Variants in PTPRD observed in about 807,000 individuals in gnomAD.
The protein encoded by PTPRD is receptor-type tyrosine-protein phosphatase delta.
A neutral mutation model predicts 214.5 loss-of-function variants in PTPRD; 34 were observed. The observed-to-expected ratio is 0.16, with a 90% confidence interval of 0.12 to 0.21. The LOEUF is 0.21. Ranked by LOEUF, PTPRD falls within the 10% of genes least tolerant of loss-of-function variation. The probability of loss-of-function intolerance (pLI) is 1.00; values close to 1 mark genes in which losing one functional copy is unlikely to be tolerated. For missense variants in PTPRD, 2,545 were observed against 2,398.7 expected, an observed-to-expected ratio of 1.06 and a Z score of -1.27; for synonymous variants, 1,128 against 845.7, an observed-to-expected ratio of 1.33 and a Z score of -5.79.
At chr9:9,734,201 T>A (rs945338521) in intron 7 of PTPRD, among the ~76,000 whole-genome samples, 2 of 152,102 alleles carry the variant, frequency 1.3e-5, no homozygotes, top group Admixed American at 6.6e-5. Flanking sequence ...TAAAGAAAAA[T>A]TTTCCACATT....
At chr9:9,739,659 T>C (rs1466877506) in intron 6 of PTPRD, among the ~76,000 whole-genome samples, 3 of 152,022 alleles carry the variant, frequency 2.0e-5, no homozygotes, top group Non-Finnish European at 4.4e-5. Context: ...GTTTTGTTGA[T>C]CCCCTCTGTT....
intron 10 of PTPRD, among the ~76,000 whole-genome samples, chr9:9,156,156 G>A (rs1722084401): frequency 6.6e-6 from 1 of 152,042 alleles, no homozygotes; most frequent in South Asian, 2.1e-4. Context: ...GTTTTAAAAG[G>A]GTTCTGAGAA....
intron 14 of PTPRD, among the ~76,000 whole-genome samples, chr9:8,628,861 T>G (rs566175681): frequency 6.6e-6 from 1 of 151,950 alleles, no homozygotes; most frequent in South Asian, 2.1e-4. Context: ...ATGCCTCATA[T>G]CTGGTAAACT....
intron 9 of PTPRD, among the ~76,000 whole-genome samples, chr9:9,211,515 G>GCGCACACACACA (rs990404545): frequency 1.4e-5 from 2 of 143,542 alleles, no homozygotes; most frequent in African/African-American, 2.6e-5. Flanking sequence ...GTGTGCGCAC[G>GCGCACACACACA]CACACACACA....
intron 14 of PTPRD, among the ~76,000 whole-genome samples, chr9:8,564,404 A>C (rs2087970250): frequency 6.6e-6 from 1 of 152,162 alleles, no homozygotes; most frequent in Non-Finnish European, 1.5e-5. Context: ...TTTAAAATAA[A>C]AGTTGATATT....
intron 7 of PTPRD, among the ~76,000 whole-genome samples, chr9:9,630,624 A>G (rs2154359231): frequency 6.6e-6 from 1 of 152,354 alleles, no homozygotes; most frequent in East Asian, 1.9e-4. Context: ...GAGCTGATGA[A>G]AAAGAGGAGA....
intron 8 of PTPRD, among the ~76,000 whole-genome samples, chr9:9,558,630 T>C (rs1418736140): frequency 6.6e-6 from 1 of 152,238 alleles, no homozygotes; most frequent in Non-Finnish European, 1.5e-5. Flanking sequence ...ACTGCCCATC[T>C]ATTGGCACAG....
At chr9:9,151,868 T>G (rs557154570) in intron 10 of PTPRD, among the ~76,000 whole-genome samples, 2 of 152,298 alleles carry the variant, frequency 1.3e-5, no homozygotes, top group Admixed American at 6.5e-5. Flanking sequence ...TAGCACCCAC[T>G]GTGTCGTTAA....
At chr9:9,823,623 C>T (rs1472239036) in intron 5 of PTPRD, among the ~76,000 whole-genome samples, 1 of 151,830 alleles carries the variant, frequency 6.6e-6, no homozygotes, top group African/African-American at 2.4e-5. Context: ...TGAAATAATC[C>T]AGTTACAGAA....
At chr9:9,799,644 G>C (rs1037440110) in intron 5 of PTPRD, 2 of 152,104 alleles carry the variant, frequency 1.3e-5, no homozygotes, top group South Asian at 2.1e-4. Context: ...AAATTCACAA[G>C]AGACCGAACT....
intron 4 of PTPRD, among the ~76,000 whole-genome samples, chr9:9,940,484 T>C: frequency 6.6e-6 from 1 of 152,280 alleles, no homozygotes; most frequent in African/African-American, 2.4e-5. Flanking sequence ...TTAATGGGGT[T>C]TGAAATTAGA....
At chr9:8,756,342 CACAAAG>C (rs1223174911) in intron 11 of PTPRD, among the ~76,000 whole-genome samples, 9 of 152,096 alleles carry the variant, frequency 5.9e-5, no homozygotes, top group African/African-American at 1.2e-4. Context: ...ACTGAAGTTC[CACAAAG>C]ACAAAGATTT....
intron 4 of PTPRD, among the ~76,000 whole-genome samples, chr9:10,017,284 T>G (rs2096739512): frequency 6.6e-6 from 1 of 152,148 alleles, no homozygotes; most frequent in Admixed American, 6.5e-5. Context: ...CTTTGTCCAT[T>G]TATTTTATCT....
chr9:8,454,415 T>C (rs1277997155), intron 33 of PTPRD, among the ~76,000 whole-genome samples: 2 of 152,194 alleles, frequency 1.3e-5, no homozygotes. Context: ...TTCCCCAGAA[T>C]CATCTTAATG....
chr9:10,014,397 G>C (rs918163764), intron 4 of PTPRD, among the ~76,000 whole-genome samples: 1 of 151,940 alleles, frequency 6.6e-6, no homozygotes, highest in Non-Finnish European at 1.5e-5. Flanking sequence ...TATGTAGACT[G>C]TTAATTGCAT....
intron 11 of PTPRD, among the ~76,000 whole-genome samples, chr9:8,824,139 G>C (rs548401815): frequency 6.6e-6 from 1 of 152,116 alleles, no homozygotes; most frequent in African/African-American, 2.4e-5. Flanking sequence ...GGTTTTCATG[G>C]CCTGTATTTT....
chr9:10,408,989 T>G (rs1293485118), intron 2 of PTPRD, among the ~76,000 whole-genome samples: 2 of 151,760 alleles, frequency 1.3e-5, no homozygotes, highest in Non-Finnish European at 2.9e-5. Context: ...AAATTAAATG[T>G]AAGACTATAG....
Position 8,504,270 on chromosome 9 carries a change from T to C in PTPRD, c.1813A>G (p.Met605Val). The C allele has an allele frequency of 6.2e-7, 1 of 1,614,130 alleles. No homozygotes were observed. Among genetic ancestry groups the C allele is most frequent in the African/African-American group, 1.3e-5 (1 of 75,058 alleles). The stretch of plus-strand genomic sequence containing the variant: ...AAAGAGAGACACCTACTTGACTGCA[T>C]GGTTCTAGCTGATATTTCTGCAGTA... The part of the protein sequence containing the change: ...ASTAEISART[M>V]QSKPSAPPQD... Residue 605 changes from methionine to valine, a missense_variant, in exon 23 of 46, where the codon ATG (methionine) becomes GTG (valine). Coordinates refer to ENST00000381196, the MANE Select transcript of PTPRD (RefSeq NM_002839.4).
chr9:9,060,009 A>T (rs1055119582), intron 10 of PTPRD, among the ~76,000 whole-genome samples: 3 of 152,306 alleles, frequency 2.0e-5, no homozygotes, highest in African/African-American at 7.2e-5. Context: ...AATTCCAATA[A>T]AATGTAAATT....
Sources: gnomAD v4.1 joint callset for allele counts (sites outside exome capture counted in the v4.1 genomes callset) on GRCh38, gnomAD v4.1.1 for gene constraint, MANE v1.5 for transcripts, NCBI Gene and HGNC (gene_info 2026-07-23, HGNC 2026-07-21) for gene names.